Variants in CCDC148 observed in about 807,000 individuals in gnomAD.
The protein encoded by CCDC148 is coiled-coil domain-containing protein 148.
In CCDC148, 89 loss-of-function variants were observed where a neutral mutation model predicts 85.7. The observed-to-expected ratio is 1.04, with a 90% CI of 0.87 to 1.24. CCDC148 has a LOEUF of 1.24. Among genes scored for constraint, CCDC148 ranks in the 50% most tolerant of loss-of-function variants. The pLI is 0.00. For missense variants in CCDC148, 692 were observed against 671.7 expected (o/e 1.03, Z -0.33); for synonymous variants, 230 against 213.9 (o/e 1.08, Z -0.66).
chr2:158,450,615 A>C (rs1688368068), intron 1 of CCDC148, among the ~76,000 whole-genome samples: 1 of 152,204 alleles, frequency 6.6e-6, no homozygotes. Flanking sequence ...CAGCATTTTG[A>C]ATACGTCCTT....
intron 11 of CCDC148, among the ~76,000 whole-genome samples, chr2:158,188,114 C>G (rs1387385154): frequency 6.6e-6 from 1 of 151,958 alleles, no homozygotes; most frequent in East Asian, 1.9e-4. Context: ...GAGCTAAGAT[C>G]ATGTCTGCTC....
intron 1 of CCDC148, among the ~76,000 whole-genome samples, chr2:158,445,647 A>C (rs990150116): frequency 3.3e-5 from 5 of 152,200 alleles, no homozygotes; most frequent in African/African-American, 1.2e-4. Flanking sequence ...CATTTTATCT[A>C]AAGATATTCT....
chr2:158,331,294 A>T (rs573881624), intron 7 of CCDC148, among the ~76,000 whole-genome samples: 1 of 152,200 alleles, frequency 6.6e-6, no homozygotes, highest in Non-Finnish European at 1.5e-5. Flanking sequence ...CAGGTTGTTC[A>T]GTTTCCATGT....
chr2:158,328,552 T>G (rs1244617626), intron 7 of CCDC148, among the ~76,000 whole-genome samples: 1 of 152,110 alleles, frequency 6.6e-6, no homozygotes, highest in East Asian at 1.9e-4. Context: ...CTGGGTCAAA[T>G]GGTATTTCTA....
chr2:158,402,432 C>A (rs1447384993), intron 1 of CCDC148, among the ~76,000 whole-genome samples: 16 of 143,108 alleles, frequency 1.1e-4, no homozygotes, highest in African/African-American at 2.3e-4. Flanking sequence ...AGAAAGTAGT[C>A]AAAAAAAAAA....
At chr2:158,218,197 C>T (rs1450310889) in intron 11 of CCDC148, among the ~76,000 whole-genome samples, 2 of 152,096 alleles carry the variant, frequency 1.3e-5, no homozygotes, top group Non-Finnish European at 1.5e-5. Context: ...TTTTAACATA[C>T]GAGTTGAACA....
At chr2:158,175,578 C>T (rs1684539221) in intron 13 of CCDC148, among the ~76,000 whole-genome samples, 1 of 151,970 alleles carries the variant, frequency 6.6e-6, no homozygotes, top group Non-Finnish European at 1.5e-5. Context: ...GGCTCTTTTG[C>T]TCACTTCCTC....
intron 1 of CCDC148, among the ~76,000 whole-genome samples, chr2:158,374,481 A>T (rs184818936): frequency 6.6e-6 from 1 of 152,134 alleles, no homozygotes; most frequent in African/African-American, 2.4e-5. Flanking sequence ...TTATATAAAC[A>T]TTAACAGACT....
chr2:158,328,599 A>G (rs1692919507), intron 7 of CCDC148, among the ~76,000 whole-genome samples: 2 of 152,128 alleles, frequency 1.3e-5, no homozygotes, highest in South Asian at 2.1e-4. Context: ...ACTGACTTCC[A>G]CAATGGTTGA....
chr2:158,276,711 G>T (rs543457496), intron 9 of CCDC148, among the ~76,000 whole-genome samples: 1 of 152,122 alleles, frequency 6.6e-6, no homozygotes, highest in Non-Finnish European at 1.5e-5. Flanking sequence ...CACTGATGAG[G>T]ACTTTTCTTT....
At chr2:158,436,809 C>T (rs1687675634) in intron 1 of CCDC148, among the ~76,000 whole-genome samples, 1 of 152,124 alleles carries the variant, frequency 6.6e-6, no homozygotes, top group Non-Finnish European at 1.5e-5. Flanking sequence ...CCACTGATCC[C>T]ACAGAAATAC....
intron 1 of CCDC148, among the ~76,000 whole-genome samples, chr2:158,423,785 C>G (rs1686928381): frequency 6.6e-6 from 1 of 152,156 alleles, no homozygotes; most frequent in South Asian, 2.1e-4. Flanking sequence ...AGGCAACCTA[C>G]AGAATGGGAG....
At chr2:158,309,353 T>G in intron 9 of CCDC148, 80 bp downstream of exon 9, 1 of 1,198,322 alleles carries the variant, frequency 8.3e-7, no homozygotes, top group Non-Finnish European at 1.2e-6. Context: ...AAACTGAACT[T>G]TAGGTTGAGT....
intron 11 of CCDC148, among the ~76,000 whole-genome samples, chr2:158,204,089 A>G (rs1010133830): frequency 1.3e-5 from 2 of 152,214 alleles, no homozygotes; most frequent in African/African-American, 2.4e-5. Flanking sequence ...CCTCTACTCA[A>G]TGAATATTTA....
chr2:158,279,406 A>C (rs1574532256), intron 9 of CCDC148, among the ~76,000 whole-genome samples: 2 of 152,364 alleles, frequency 1.3e-5, no homozygotes, highest in South Asian at 4.1e-4. Context: ...TATAACAAGA[A>C]TAACTAATAC....
intron 11 of CCDC148, among the ~76,000 whole-genome samples, chr2:158,215,109 T>C (rs1686779465): frequency 6.6e-6 from 1 of 152,188 alleles, no homozygotes; most frequent in African/African-American, 2.4e-5. Context: ...AGAGTCCATA[T>C]GGATATAAAA....
chr2:158,273,604 C>T (rs2602200), intron 9 of CCDC148, among the ~76,000 whole-genome samples: 20,338 of 152,158 alleles, frequency 0.13, 1,442 homozygotes, highest in Middle Eastern at 0.19. Context: ...CATCTCCCGA[C>T]GCTCACAAAG....
chr2:158,320,160 A>C (rs1692457916), intron 7 of CCDC148, among the ~76,000 whole-genome samples: 1 of 152,212 alleles, frequency 6.6e-6, no homozygotes, highest in Admixed American at 6.5e-5. Context: ...AGTATGAGGA[A>C]AATTTTAATT....
intron 7 of CCDC148, among the ~76,000 whole-genome samples, chr2:158,316,179 C>T (rs1019043831): frequency 2.6e-5 from 4 of 152,174 alleles, no homozygotes; most frequent in African/African-American, 9.7e-5. Flanking sequence ...ATATCTCATA[C>T]TGAGTGGCAG....
Sources: allele counts gnomAD v4.1 joint callset (sites outside exome capture counted in the v4.1 genomes callset), GRCh38; gene constraint gnomAD v4.1.1; transcripts MANE v1.5; gene names NCBI Gene and HGNC (gene_info 2026-07-23, HGNC 2026-07-21).